The following CADM2 variants were observed in gnomAD, a reference collection of about 807,000 sequenced individuals.
CADM2 encodes the protein immunoglobulin superfamily member 4D.
A neutral mutation model predicts 49.8 loss-of-function variants in CADM2; 12 were observed. The ratio of observed to expected loss-of-function variants is 0.24; its 90% CI spans 0.15 to 0.39. The LOEUF is 0.39. CADM2 is among the 10% of genes least tolerant of loss of function. The pLI is 1.00. For missense variants in CADM2, 378 were observed against 492.3 expected (o/e 0.77, Z 2.20); for synonymous variants, 214 against 175.4 (o/e 1.22, Z -1.74).
Position 85,365,199 on chromosome 3 carries a change from C to CTTTTT in CADM2, c.62-361312_62-361308dup, listed in dbSNP as rs397962829. 3.7e-3 allele frequency among the ~76,000 whole-genome samples: 390 copies of CTTTTT among 104,600 alleles called. 14 individuals carry two copies. Among genetic ancestry groups the CTTTTT allele is most frequent in the Middle Eastern group, 0.024 (3 of 124 alleles). 68.6% of individuals were successfully genotyped at this position (104,600 alleles called of 152,430 possible). On this transcript the variant is annotated intron_variant, in intron 1 of 9. Coordinates refer to ENST00000383699, the MANE Select transcript of CADM2 (RefSeq NM_001167675.2). ...TTGGGAGGGTTTTTTTTTTTTTTTA[C>CTTTTT]TTTTTTTTTTTTTTTAGATAATTCC...
intron 1 of CADM2, among the ~76,000 whole-genome samples, chr3:85,367,712 A>C (rs1307519999): frequency 1.3e-5 from 2 of 151,884 alleles, no homozygotes; most frequent in African/African-American, 4.8e-5. Flanking sequence ...ACTTTTGCCC[A>C]TTTTCATCCC....
intron 1 of CADM2, among the ~76,000 whole-genome samples, chr3:85,703,462 C>T (rs2066845401): frequency 6.6e-6 from 1 of 152,106 alleles, no homozygotes; most frequent in African/African-American, 2.4e-5. Flanking sequence ...ATAATTAGCT[C>T]ATCCTCACAA....
chr3:84,987,183 G>A (rs1188822740), intron 1 of CADM2, among the ~76,000 whole-genome samples: 2 of 151,984 alleles, frequency 1.3e-5, no homozygotes, highest in African/African-American at 4.8e-5. Flanking sequence ...TGTGTAGCCT[G>A]GCCCAGGCTG....
At chr3:85,022,398 C>T (rs765463) in intron 1 of CADM2, among the ~76,000 whole-genome samples, 1 of 152,150 alleles carries the variant, frequency 6.6e-6, no homozygotes, top group East Asian at 1.9e-4. Flanking sequence ...TTGCTCCTCT[C>T]TAGGTCGTTC....
chr3:85,230,323 T>A (rs1364345948), intron 1 of CADM2, among the ~76,000 whole-genome samples: 1 of 152,202 alleles, frequency 6.6e-6, no homozygotes, highest in Non-Finnish European at 1.5e-5. Flanking sequence ...ATGTATTATA[T>A]AGCTAAGCCT....
intron 1 of CADM2, among the ~76,000 whole-genome samples, chr3:85,679,628 CA>C (rs2065983687): frequency 6.6e-6 from 1 of 152,118 alleles, no homozygotes. Flanking sequence ...GGAATGGTAA[CA>C]TGTTTGACAA....
In CADM2 at chr3:85,419,051, G is replaced by T. The variant is rs180862648; in HGVS notation, c.62-307471G>T. 2.5e-3 allele frequency among the ~76,000 whole-genome samples: 376 copies of T among 152,264 alleles called. 3 individuals are homozygous for T. The highest frequency in any genetic ancestry group is 2.7e-3 in the East Asian group (14 of 5,172). On this transcript the variant is annotated intron_variant, in intron 1 of 9. Transcript: ENST00000383699. ...CACTCAGCAATTTTGTGGCCTGCTG[G>T]TTTAAACTGCCCTGATTTATGAAGA...
chr3:85,092,311 A>G (rs1485464360), intron 1 of CADM2, among the ~76,000 whole-genome samples: 2 of 152,202 alleles, frequency 1.3e-5, no homozygotes, highest in East Asian at 1.9e-4. Flanking sequence ...TTCCTCTTCT[A>G]TGTAAGAAGA....
chr3:85,676,700 C>A (rs961638227), intron 1 of CADM2, among the ~76,000 whole-genome samples: 3 of 152,000 alleles, frequency 2.0e-5, no homozygotes, highest in Non-Finnish European at 4.4e-5. Flanking sequence ...AAAAAACATG[C>A]GTAATACTTC....
At chr3:85,485,597 G>T (rs1299483799) in intron 1 of CADM2, among the ~76,000 whole-genome samples, 1 of 151,944 alleles carries the variant, frequency 6.6e-6, no homozygotes, top group African/African-American at 2.4e-5. Context: ...TGAGCCCCAA[G>T]AATTCAAATT....
intron 1 of CADM2, among the ~76,000 whole-genome samples, chr3:85,354,465 G>A (rs909750430): frequency 1.3e-5 from 2 of 151,438 alleles, no homozygotes; most frequent in Non-Finnish European, 2.9e-5. Flanking sequence ...TAACAAACCT[G>A]CACATTGTGC....
rs72903397 is a variant in CADM2, at chr3:85,083,723, G to C, written c.61+124055G>C. ...CAGAAAATATTTTTAAAATCTCCTT[G>C]ATCATTTTTTTGTCTTTTGTCTTTC... On this transcript the variant is annotated intron_variant, in intron 1 of 9. Coordinates refer to ENST00000383699, the MANE Select transcript of CADM2 (RefSeq NM_001167675.2). Among the ~76,000 whole-genome samples the C allele has an allele frequency of 6.9e-3, 1,049 of 152,048 alleles. 16 individuals are homozygous for C. The highest frequency in any genetic ancestry group is 0.024 in the African/African-American group (979 of 41,502).
At chr3:85,984,953 A>G (rs1727914428) in intron 8 of CADM2, among the ~76,000 whole-genome samples, 1 of 151,998 alleles carries the variant, frequency 6.6e-6, no homozygotes, top group Non-Finnish European at 1.5e-5. Context: ...CACAGGAAAA[A>G]AAAGGATTTT....
Position 85,918,276 on chromosome 3 carries a change from T to C in CADM2, c.700+5733T>C, listed in dbSNP as rs892150951. ...TCCAGTTTTTGTCCATTCAGTATGA[T>C]ATTGGCTGTGGGTTTGTCATAGATA... is the stretch of plus-strand genomic sequence containing the variant. On this transcript the variant is annotated intron_variant, in intron 6 of 9. Coordinates refer to ENST00000383699, the MANE Select transcript of CADM2 (RefSeq NM_001167675.2). 2.6e-5 allele frequency among the ~76,000 whole-genome samples: 4 copies of C among 152,300 alleles called. No homozygotes were observed. The South Asian group carries it at 8.3e-4, about 32-fold the overall frequency.
At chr3:85,445,120 C>T (rs1424280435) in intron 1 of CADM2, among the ~76,000 whole-genome samples, 2 of 151,998 alleles carry the variant, frequency 1.3e-5, no homozygotes, top group South Asian at 4.1e-4. Flanking sequence ...TTGATATCTT[C>T]GTTTTGTTGA....
At chr3:85,442,277 G>T in intron 1 of CADM2, among the ~76,000 whole-genome samples, 1 of 151,708 alleles carries the variant, frequency 6.6e-6, no homozygotes, top group East Asian at 1.9e-4. Flanking sequence ...TTCTCCAGTT[G>T]TTCTTGTTCT....
intron 1 of CADM2, among the ~76,000 whole-genome samples, chr3:85,329,155 C>A (rs1379378216): frequency 6.6e-6 from 1 of 152,104 alleles, no homozygotes; most frequent in Non-Finnish European, 1.5e-5. Context: ...AGAGATACAG[C>A]TTTCAGAAGA....
At chr3:85,295,002 C>G (rs1194029653) in intron 1 of CADM2, among the ~76,000 whole-genome samples, 1 of 151,990 alleles carries the variant, frequency 6.6e-6, no homozygotes, top group Non-Finnish European at 1.5e-5. Flanking sequence ...AGTGAACAGG[C>G]AACCTACAAA....
chr3:85,597,559 G>T (rs1479737067), intron 1 of CADM2, among the ~76,000 whole-genome samples: 4 of 151,998 alleles, frequency 2.6e-5, no homozygotes, highest in Non-Finnish European at 5.9e-5. Flanking sequence ...CAATTAAAAT[G>T]TTTTGATACC....
Sources: allele counts gnomAD v4.1 joint callset (sites outside exome capture counted in the v4.1 genomes callset), GRCh38; gene constraint gnomAD v4.1.1; transcripts MANE v1.5; gene names NCBI Gene and HGNC (gene_info 2026-07-23, HGNC 2026-07-21).